The following AKTIP variants were observed in gnomAD, a reference collection of about 807,000 sequenced individuals.
AKTIP encodes AKT-interacting protein.
AKTIP carries 16 observed loss-of-function variants against 39.1 expected under a neutral mutation model. The ratio of observed to expected loss-of-function variants is 0.41; its 90% confidence interval spans 0.28 to 0.62. The LOEUF (loss-of-function observed/expected upper bound fraction) is 0.62. Ranked by LOEUF, AKTIP falls within the 20% of genes least tolerant of loss-of-function variation. The pLI is 0.32. For synonymous variants in AKTIP, 93 were observed against 124.3 expected, an observed-to-expected ratio of 0.75 and a Z score of 1.67; for missense variants, 262 against 356.6, an observed-to-expected ratio of 0.73 and a Z score of 2.14.
At chr16:53,493,166 T>C (rs963458010) in intron 8 of AKTIP, 1 of 169,962 alleles carries the variant, frequency 5.9e-6, no homozygotes, top group African/African-American at 2.4e-5. Flanking sequence ...GCCTCCTAGA[T>C]TCAGGCCATT....
At chr16:53,502,655 G>A (rs966279569) in intron 1 of AKTIP, 1 of 152,222 alleles carries the variant, frequency 6.6e-6, no homozygotes, top group Non-Finnish European at 1.5e-5. Flanking sequence ...CACCCTCACC[G>A]CGGGCGGAAA....
At chr16:53,500,362 C>A in intron 1 of AKTIP, 33 bp from the exon 2 acceptor site, 1 of 1,439,652 alleles carries the variant, frequency 6.9e-7, no homozygotes, top group Non-Finnish European at 9.4e-7. Context: ...TAGAAACATG[C>A]CAACACCAAC....
At chr16:53,503,851 G>A (rs182429444), upstream of AKTIP, among the ~76,000 whole-genome samples, 1,289 of 152,324 alleles carry the variant, frequency 8.5e-3, 23 homozygotes, top group African/African-American at 0.029. Flanking sequence ...CAGTGCAGGA[G>A]CTGAAGGCTG....
At position 53,491,444 on chromosome 16, in the gene AKTIP, T is replaced by A. The variant is rs1437385421; in HGVS notation, c.*968A>T. On this transcript the variant is annotated 3_prime_UTR_variant, in exon 10 of 10. Transcript: ENST00000394657. Reference sequence around the variant, plus strand: ...AGCAGTTTTCAAGTCAAATTAATAATCTTATTAGGGAGAAAATTCAATTGT... The same window carrying A: ...AGCAGTTTTCAAGTCAAATTAATAAACTTATTAGGGAGAAAATTCAATTGT... 2 of 152,434 alleles carry A rather than the reference T, an allele frequency of 1.3e-5. No individual in the cohort carries two copies. Among genetic ancestry groups the A allele is most frequent in the East Asian group, 3.8e-4 (2 of 5,196 alleles). 9.4% of individuals were successfully genotyped at this position (152,434 alleles called of 1,614,324 possible). A position where few individuals can be genotyped will look rare whatever the true frequency, so the allele number is the denominator to read the frequency against.
upstream of AKTIP, chr16:53,504,311 G>A (rs2150881241): frequency 6.6e-6 from 1 of 152,264 alleles, no homozygotes; most frequent in Middle Eastern, 3.4e-3. Flanking sequence ...CCCTTTTCTA[G>A]ACACCAGAGG....
Position 53,494,453 on chromosome 16 carries a change from GC to G in AKTIP, c.504-17del, listed in dbSNP as rs1258377115. On this transcript the variant is annotated splice_polypyrimidine_tract_variant and intron_variant, in intron 6 of 9. Coordinates refer to ENST00000394657, the MANE Select transcript of AKTIP (RefSeq NM_022476.4). Reference sequence around the variant, plus strand: ...ATGGTTCCGCCTAAAGGGAAACATGGCGTGATTACCGAGGCGTCCTCTTGCT... The same window carrying G: ...ATGGTTCCGCCTAAAGGGAAACATGGGTGATTACCGAGGCGTCCTCTTGCT... 6.2e-6 allele frequency: 10 copies of G among 1,613,618 alleles called. No homozygotes were observed. The highest frequency in any genetic ancestry group is 6.8e-6 in the Non-Finnish European group (8 of 1,179,516).
chr16:53,494,750 A>C (rs1961723196), intron 5 of AKTIP, 145 bp from the exon 6 acceptor site: 2 of 824,224 alleles, frequency 2.4e-6, no homozygotes, highest in Non-Finnish European at 3.9e-6. Context: ...CTACTTAACT[A>C]CTTTTACCAT....
chr16:53,497,052 C>G (rs1201566326), intron 3 of AKTIP, among the ~76,000 whole-genome samples: 2 of 152,144 alleles, frequency 1.3e-5, no homozygotes, highest in African/African-American at 4.8e-5. Context: ...CTGCGTCAGT[C>G]TCCCAAGTAG....
At chr16:53,500,352 T>G in intron 1 of AKTIP, 23 bp from the exon 2 acceptor site, 1 of 1,516,226 alleles carries the variant, frequency 6.6e-7, no homozygotes, top group Non-Finnish European at 8.9e-7. Context: ...CGGGAAGACA[T>G]AGAAACATGC....
At chr16:53,500,609 C>CTCAA (rs1255420925) in intron 1 of AKTIP, among the ~76,000 whole-genome samples, 4 of 152,112 alleles carry the variant, frequency 2.6e-5, no homozygotes, top group African/African-American at 9.7e-5. Flanking sequence ...AACTCCTGAC[C>CTCAA]TCAAGTGATC....
At chr16:53,500,170 A>G (rs1205429857) in intron 2 of AKTIP, 48 bp downstream of exon 2, 4 of 1,443,634 alleles carry the variant, frequency 2.8e-6, no homozygotes, top group Non-Finnish European at 3.9e-6. Context: ...CTATTTTCAG[A>G]CACAGAAGCA....
chr16:53,492,028 T>G lies in AKTIP; in HGVS notation c.*384A>C, dbSNP rs1218035603. ...ATGGAACCTGCTCTCTCTATACCTC[T>G]CCATTTCCTAACATATATACAACTG... On this transcript the variant is annotated 3_prime_UTR_variant, in exon 10 of 10. Transcript: ENST00000394657. 5.8e-6 allele frequency: 1 copy of G among 172,522 alleles called. No individual in the cohort carries two copies. Among genetic ancestry groups the G allele is most frequent in the Non-Finnish European group, 1.3e-5 (1 of 79,844 alleles). 10.7% of individuals were successfully genotyped at this position (172,522 alleles called of 1,614,324 possible).
upstream of AKTIP, chr16:53,504,247 C>G (rs1323742266): frequency 1.3e-5 from 2 of 152,368 alleles, no homozygotes; most frequent in African/African-American, 4.8e-5. Context: ...TCCGTCCAAT[C>G]TCGGCACTCC....
At chr16:53,496,746 A>G (rs1961862701) in intron 3 of AKTIP, among the ~76,000 whole-genome samples, 1 of 152,040 alleles carries the variant, frequency 6.6e-6, no homozygotes. Flanking sequence ...AAGCAGGAGA[A>G]TCCAGAGGCA....
At chr16:53,498,666 C>T in intron 2 of AKTIP, 70 bp from the exon 3 acceptor site, 9 of 1,456,876 alleles carry the variant, frequency 6.2e-6, no homozygotes, top group Non-Finnish European at 8.7e-6. Flanking sequence ...ATTATTAGCT[C>T]CATGGCCTAA....
upstream of AKTIP, chr16:53,503,306 C>G (rs958927682): frequency 1.8e-4 from 27 of 151,580 alleles, no homozygotes; most frequent in African/African-American, 6.5e-4. Context: ...CCGCCCCCTG[C>G]TGCACGATCC....
chr16:53,492,916 A>G (rs561724656), intron 8 of AKTIP, 163 bp from the exon 9 acceptor site: 7 of 626,038 alleles, frequency 1.1e-5, no homozygotes, highest in African/African-American at 1.1e-4. Context: ...ATTTTCTCAC[A>G]TAACTATCCC....
rs541232804 is a variant in AKTIP at position 53,495,466 on chromosome 16, A to G, written c.249-140T>C. On this transcript the variant is annotated intron_variant, in intron 3 of 9. Transcript: ENST00000394657. ...AAACCCTGCAAGCCAAGTTCTCACA[A>G]TCTCTCACCTGACACAACTCAGGAA... 5,013 of 734,866 alleles carry G rather than the reference A, an allele frequency of 6.8e-3. 30 individuals are homozygous for G. Among genetic ancestry groups the G allele is most frequent in the Non-Finnish European group, 7.1e-3 (3,091 of 433,922 alleles). 45.5% of individuals were successfully genotyped at this position (734,866 alleles called of 1,614,324 possible).
In AKTIP at chr16:53,492,077, A is replaced by AAAT. The variant is rs1190192059; in HGVS notation, c.*334_*335insATT. 4.5e-6 allele frequency: 1 copy of AAAT among 222,760 alleles called. No homozygotes were observed. Among genetic ancestry groups the AAAT allele is most frequent in the East Asian group, 1.1e-4 (1 of 9,204 alleles). 13.8% of individuals were successfully genotyped at this position (222,760 alleles called of 1,614,324 possible). On this transcript the variant is annotated 3_prime_UTR_variant, in exon 10 of 10. Transcript: ENST00000394657. The stretch of plus-strand genomic sequence containing the variant: ...TGAAACCACTGATTTATAAACTATT[A>AAAT]AGTAGTGCTGAATTCTGTCTGCTCT...
Sources: gnomAD v4.1 joint callset for allele counts (sites outside exome capture counted in the v4.1 genomes callset) on GRCh38, gnomAD v4.1.1 for gene constraint, MANE v1.5 for transcripts, NCBI Gene and HGNC (gene_info 2026-07-23, HGNC 2026-07-21) for gene names.